Variants in TMEM263 observed in about 807,000 individuals in gnomAD.
The protein encoded by TMEM263 is transmembrane protein 263.
A neutral mutation model predicts 8.6 loss-of-function variants in TMEM263; 5 were observed. The ratio of observed to expected loss-of-function variants is 0.58; its 90% CI spans 0.31 to 1.23. The LOEUF (loss-of-function observed/expected upper bound fraction) is 1.23. Ranked by LOEUF, TMEM263 falls within the 50% of genes most tolerant of loss-of-function variation. The probability of loss-of-function intolerance (pLI) is 0.07; values close to 1 mark genes in which losing one functional copy is unlikely to be tolerated. For missense variants in TMEM263, 104 were observed against 138.8 expected (o/e 0.75, Z 1.26); for synonymous variants, 50 against 47.9 (o/e 1.04, Z -0.18).
intron 2 of TMEM263, among the ~76,000 whole-genome samples, chr12:106,959,041 C>T (rs1373538608): frequency 6.6e-6 from 1 of 152,236 alleles, no homozygotes; most frequent in East Asian, 1.9e-4. Context: ...TCTATTCCCA[C>T]TGGATTGTAA....
Position 106,971,466 on chromosome 12 carries a change from C to A in TMEM263, c.*75C>A. 2 of 1,425,638 alleles carry A rather than the reference C, an allele frequency of 1.4e-6. No homozygotes were observed. The highest frequency in any genetic ancestry group is 1.4e-5 in the South Asian group (1 of 70,898). 88.3% of individuals were successfully genotyped at this position (1,425,638 alleles called of 1,614,324 possible). A position where few individuals can be genotyped will look rare whatever the true frequency, so the allele number is the denominator to read the frequency against. On this transcript the variant is annotated 3_prime_UTR_variant, in exon 4 of 4. Coordinates refer to ENST00000280756, the MANE Select transcript of TMEM263 (RefSeq NM_152261.4). ...GAATTGCTAAATTATGGACTACAACCAAGTCAACTGTTTTGGACGTTTATC... is the reference window on the plus strand; with the variant it reads ...GAATTGCTAAATTATGGACTACAACAAAGTCAACTGTTTTGGACGTTTATC...
At chr12:106,963,435 C>T (rs920275247) in intron 2 of TMEM263, among the ~76,000 whole-genome samples, 3 of 151,840 alleles carry the variant, frequency 2.0e-5, no homozygotes, top group South Asian at 2.1e-4. Flanking sequence ...CAGAATTTAC[C>T]GATAATTAGA....
chr12:106,967,216 T>C (rs751350466), intron 3 of TMEM263, 36 bp downstream of exon 3: 1 of 1,196,960 alleles, frequency 8.4e-7, no homozygotes, highest in South Asian at 1.4e-5. Context: ...AATGGAAAAA[T>C]ATACTGAATT....
At chr12:106,966,984 GT>G (rs1199246923) in intron 2 of TMEM263, 126 bp from the exon 3 acceptor site, 11 of 640,394 alleles carry the variant, frequency 1.7e-5, no homozygotes, top group Admixed American at 1.3e-4. Context: ...ATGAAGACTA[GT>G]TGTATAGTGG....
chr12:106,967,014 C>A, intron 2 of TMEM263, 97 bp from the exon 3 acceptor site: 2 of 754,398 alleles, frequency 2.7e-6, no homozygotes, highest in Admixed American at 2.8e-5. Context: ...TGTTGTTTAT[C>A]TGAATAATGT....
At chr12:106,956,133 C>A in intron 1 of TMEM263, 68 bp downstream of exon 1, 1 of 833,182 alleles carries the variant, frequency 1.2e-6, no homozygotes, top group Non-Finnish European at 1.4e-6. Flanking sequence ...TCGCCCTCTG[C>A]CGTCGGCGCC....
Position 106,971,201 on chromosome 12 carries a change from T to C in TMEM263, c.161T>C (p.Ile54Thr). The C allele has an allele frequency of 6.2e-7, 1 of 1,614,142 alleles. No individual in the cohort carries two copies. The highest frequency in any genetic ancestry group is 1.6e-4 in the Middle Eastern group (1 of 6,062). ...SVTKGAVGAT[I>T]GGVAWIGGKS... ...ACAAAGGGAGCTGTTGGTGCCACCA[T>C]TGGTGGTGTGGCTTGGATTGGTGGA... is the stretch of plus-strand genomic sequence containing the variant. Residue 54 changes from isoleucine to threonine, a missense_variant, in exon 4 of 4, where the codon ATT (isoleucine) becomes ACT (threonine). Transcript: ENST00000280756.
Position 106,967,113 on chromosome 12 carries a change from G to T in TMEM263, c.-4G>T. The T allele has an allele frequency of 6.3e-7, 1 of 1,580,362 alleles. No homozygotes were observed. Among genetic ancestry groups the T allele is most frequent in the Non-Finnish European group, 8.6e-7 (1 of 1,160,886 alleles). On this transcript the variant is annotated splice_region_variant and 5_prime_UTR_variant, in exon 3 of 4. Transcript: ENST00000280756. ...GTGTTTGTATGTTTTTTTTTTAGGA[G>T]ATCATGAATCAGACAGATAAAAATC...
At chr12:106,958,915 A>G (rs1951733782) in intron 2 of TMEM263, among the ~76,000 whole-genome samples, 1 of 152,080 alleles carries the variant, frequency 6.6e-6, no homozygotes, top group African/African-American at 2.4e-5. Context: ...CCAGCCAGAA[A>G]GTATGTTTTT....
Position 106,971,336 on chromosome 12 carries a change from C to CT in TMEM263, c.297dup (p.Ala100CysfsTer17). 1 of 1,614,014 alleles carries CT rather than the reference C, an allele frequency of 6.2e-7. No homozygotes were observed. The highest frequency in any genetic ancestry group is 8.5e-7 in the Non-Finnish European group (1 of 1,179,962). On this transcript the variant is annotated frameshift_variant, in exon 4 of 4. Transcript: ENST00000280756. LOFTEE classifies it high-confidence loss of function. ...GCTGGAGGTGTTACAGCTGTTGGGT[C>CT]TGCTGTTGTAAACAAAGTGCCCTTA...
chr12:106,960,115 A>C (rs909533572), intron 2 of TMEM263, among the ~76,000 whole-genome samples: 2 of 152,102 alleles, frequency 1.3e-5, no homozygotes, highest in African/African-American at 4.8e-5. Context: ...GTTCACTGCA[A>C]CCTCTGCCTC....
intron 2 of TMEM263, among the ~76,000 whole-genome samples, chr12:106,962,271 T>A (rs1479507915): frequency 6.7e-6 from 1 of 148,694 alleles, no homozygotes; most frequent in African/African-American, 2.5e-5. Flanking sequence ...TTTCTTCCAG[T>A]CTTTTTGTAT....
intron 3 of TMEM263, among the ~76,000 whole-genome samples, chr12:106,968,944 A>G (rs1951881022): frequency 6.6e-6 from 1 of 152,196 alleles, no homozygotes; most frequent in Non-Finnish European, 1.5e-5. Context: ...ATATATTCAA[A>G]TGCCCATCTA....
Position 106,955,947 on chromosome 12 carries a change from G to A in TMEM263, c.-193G>A. 1.1e-5 allele frequency: 11 copies of A among 986,148 alleles called. No homozygotes were observed. Among genetic ancestry groups the A allele is most frequent in the Non-Finnish European group, 1.3e-5 (11 of 830,584 alleles). 61.1% of individuals were successfully genotyped at this position (986,148 alleles called of 1,614,324 possible). A position where few individuals can be genotyped will look rare whatever the true frequency, so the allele number is the denominator to read the frequency against. On this transcript the variant is annotated 5_prime_UTR_variant, in exon 1 of 4. Transcript: ENST00000280756. ...CACATCCTGAGAGGACGCCTCTGGA[G>A]CCGCGACTGCCCGGGGTTGTGCCGG...
At chr12:106,969,951 G>A (rs74455726) in intron 3 of TMEM263, among the ~76,000 whole-genome samples, 6,734 of 151,368 alleles carry the variant, frequency 0.044, 175 homozygotes, top group African/African-American at 0.08. Flanking sequence ...TTTTATGGGG[G>A]ATATCTCTAG....
intron 2 of TMEM263, among the ~76,000 whole-genome samples, chr12:106,958,613 T>C (rs1041445399): frequency 1.3e-5 from 2 of 152,250 alleles, no homozygotes; most frequent in African/African-American, 2.4e-5. Context: ...TGTCACAATT[T>C]CTTAAAAACC....
At chr12:106,959,720 C>T (rs1453939097) in intron 2 of TMEM263, among the ~76,000 whole-genome samples, 3 of 152,154 alleles carry the variant, frequency 2.0e-5, no homozygotes, top group South Asian at 2.1e-4. Flanking sequence ...TCTTTAGTAA[C>T]GAAGTGGCAA....
At chr12:106,964,957 A>G (rs1457329740) in intron 2 of TMEM263, among the ~76,000 whole-genome samples, 1 of 152,118 alleles carries the variant, frequency 6.6e-6, no homozygotes, top group African/African-American at 2.4e-5. Flanking sequence ...TGTATTCCCT[A>G]CAGCAGCCAG....
At position 106,971,619 on chromosome 12, in the gene TMEM263, T is replaced by A; in HGVS notation, c.*228T>A. The A allele has an allele frequency of 2.3e-6, 1 of 428,320 alleles. No homozygotes were observed. The highest frequency in any genetic ancestry group is 6.7e-5 in the South Asian group (1 of 14,894). The allele number at this position is 428,320 out of a possible 1,614,324, so 26.5% of individuals were successfully genotyped here. A position where few individuals can be genotyped will look rare whatever the true frequency, so the allele number is the denominator to read the frequency against. On this transcript the variant is annotated 3_prime_UTR_variant, in exon 4 of 4. Coordinates refer to ENST00000280756, the MANE Select transcript of TMEM263 (RefSeq NM_152261.4). The stretch of plus-strand genomic sequence containing the variant: ...GTTTTTATCTGGTAAAATGTTACAC[T>A]TACTCGGTTGTAACTGAAGATATGG...
Sources: allele counts gnomAD v4.1 joint callset (sites outside exome capture counted in the v4.1 genomes callset), GRCh38; gene constraint gnomAD v4.1.1; transcripts MANE v1.5; gene names NCBI Gene and HGNC (gene_info 2026-07-23, HGNC 2026-07-21).